Variants in LTN1 observed in about 807,000 individuals in gnomAD.
The protein encoded by LTN1 is E3 ubiquitin-protein ligase listerin.
Under a neutral mutation model 201.2 loss-of-function variants are expected in LTN1, and 88 were observed. That is an observed-to-expected ratio of 0.44 (90% CI 0.37 to 0.52). The LOEUF (loss-of-function observed/expected upper bound fraction) is 0.52, where lower values mean the gene tolerates loss of function less well. Ranked by LOEUF, LTN1 falls within the 20% of genes least tolerant of loss-of-function variation. The pLI, the probability that LTN1 is intolerant of heterozygous loss-of-function variation, is 0.00. For missense variants in LTN1, 1,752 were observed against 2,038.7 expected, an observed-to-expected ratio of 0.86 and a Z score of 2.71; for synonymous variants, 645 against 713.5, an observed-to-expected ratio of 0.90 and a Z score of 1.53.
chr21:28,970,510 A>T, intron 8 of LTN1, 42 bp downstream of exon 8: 1 of 1,334,376 alleles, frequency 7.5e-7, no homozygotes, highest in Non-Finnish European at 1.1e-6. Flanking sequence ...AAAAACAAGA[A>T]AATCTGTTTT....
At chr21:28,990,843 C>T (rs1465724631) in intron 1 of LTN1, among the ~76,000 whole-genome samples, 1 of 152,140 alleles carries the variant, frequency 6.6e-6, no homozygotes, top group Non-Finnish European at 1.5e-5. Flanking sequence ...TTAAACAGTA[C>T]TGAGAAACTG....
At chr21:28,935,983 T>C (rs1356142076) in intron 26 of LTN1, among the ~76,000 whole-genome samples, 1 of 152,160 alleles carries the variant, frequency 6.6e-6, no homozygotes, top group Non-Finnish European at 1.5e-5. Context: ...ATGCTTGCTG[T>C]TATAAATTAT....
intron 18 of LTN1, among the ~76,000 whole-genome samples, chr21:28,947,958 T>C (rs890574129): frequency 1.3e-5 from 2 of 151,348 alleles, no homozygotes; most frequent in African/African-American, 4.8e-5. Context: ...TTTGGGAGGC[T>C]GAGGAGGGCA....
Position 28,947,599 on chromosome 21 carries a change from G to A in LTN1, c.3352C>T (p.Pro1118Ser). The change falls in exon 19 of 30, where the codon CCA (proline) becomes TCA (serine). Residue 1118 changes from proline (P) to serine (S), a missense_variant. Physicochemically the swap from Pro to Ser is moderately conservative, Grantham distance 74. This residue lies in a region of LTN1 where 1,211 missense variants were observed against 1,312.8 expected (regional missense o/e 0.92). Transcript: ENST00000361371. ...GTATGCAAATTGCCTTCAGTTAGTGGAAAAAAACTGTTTAAAGAAAAAAAA... is the reference window on the plus strand; with the variant it reads ...GTATGCAAATTGCCTTCAGTTAGTGAAAAAAAACTGTTTAAAGAAAAAAAA... ...PHYKRKESFF[P>S]LTEGNLHTIQ... The A allele has an allele frequency of 1.9e-6, 3 of 1,540,994 alleles. No individual in the cohort carries two copies. Among genetic ancestry groups the A allele is most frequent in the Non-Finnish European group, 1.7e-6 (2 of 1,153,480 alleles).
intron 12 of LTN1, 82 bp downstream of exon 12, chr21:28,960,435 C>G: frequency 9.2e-7 from 1 of 1,082,534 alleles, no homozygotes; most frequent in Non-Finnish European, 1.3e-6. Context: ...ACCAATAACA[C>G]ATAAGCTGAG....
intron 1 of LTN1, among the ~76,000 whole-genome samples, chr21:28,988,066 C>T (rs886179710): frequency 4.1e-5 from 6 of 146,490 alleles, no homozygotes; most frequent in Non-Finnish European, 7.4e-5. Context: ...TCGCTTGAAC[C>T]GGAAGGCAGA....
intron 3 of LTN1, 66 bp from the exon 4 acceptor site, chr21:28,984,988 G>T: frequency 9.0e-7 from 1 of 1,108,110 alleles, no homozygotes; most frequent in Non-Finnish European, 1.3e-6. Flanking sequence ...GACATTTCCG[G>T]ATATGCTATA....
intron 18 of LTN1, among the ~76,000 whole-genome samples, chr21:28,948,965 C>G (rs1003195420): frequency 6.6e-6 from 1 of 152,220 alleles, no homozygotes; most frequent in Non-Finnish European, 1.5e-5. Flanking sequence ...CAAATTGCTT[C>G]TGAAAACACA....
intron 29 of LTN1, 83 bp downstream of exon 29, chr21:28,931,069 GTGT>G (rs774724167): frequency 0.1 from 31,804 of 318,772 alleles, 460 homozygotes; most frequent in Non-Finnish European, 0.11. Flanking sequence ...TTGTGTAGGT[GTGT>G]GTGTGTGTGT....
Position 28,930,427 on chromosome 21 carries a change from T to A in LTN1, c.*21A>T. The A allele has an allele frequency of 6.3e-7, 1 of 1,592,172 alleles. No homozygotes were observed. On this transcript the variant is annotated 3_prime_UTR_variant, in exon 30 of 30. Transcript: ENST00000361371. ...GCCTTTGTTTGATGTACTTCAGGGA[T>A]CCCTTCCAGTGAAAAAAATCTCAGA...
At chr21:28,944,109 G>C (rs937211032) in intron 22 of LTN1, among the ~76,000 whole-genome samples, 2 of 152,144 alleles carry the variant, frequency 1.3e-5, no homozygotes, top group African/African-American at 4.8e-5. Flanking sequence ...TCCAGCAAAT[G>C]TTCAATAGCA....
intron 16 of LTN1, among the ~76,000 whole-genome samples, chr21:28,956,225 T>C (rs11909163): frequency 0.032 from 4,846 of 152,240 alleles, 261 homozygotes; most frequent in African/African-American, 0.11. Flanking sequence ...AGGATGACCA[T>C]AGTTAACAAT....
intron 1 of LTN1, among the ~76,000 whole-genome samples, chr21:28,988,155 A>AC (rs2084714305): frequency 8.0e-6 from 1 of 125,180 alleles, no homozygotes; most frequent in Non-Finnish European, 1.8e-5. Flanking sequence ...AAAAAAAAAA[A>AC]ACAACAAAAA....
At chr21:28,934,268 GTA>G (rs1273369752) in intron 27 of LTN1, among the ~76,000 whole-genome samples, 1 of 152,214 alleles carries the variant, frequency 6.6e-6, no homozygotes, top group Non-Finnish European at 1.5e-5. Context: ...GCATCTGTAA[GTA>G]TTCCAGTACA....
rs78116326 is a variant in LTN1, at chr21:28,957,761, T to C, written c.2748-285A>G. 7.3e-3 allele frequency among the ~76,000 whole-genome samples: 1,115 copies of C among 152,298 alleles called. 10 individuals carry two copies. The highest frequency in any genetic ancestry group is 0.025 in the African/African-American group (1,046 of 41,566). The stretch of plus-strand genomic sequence containing the variant: ...AGGTATTTCAGAAATACAGCTACCT[T>C]ATGAAATGCAGCACTATTTTACCTA... On this transcript the variant is annotated intron_variant, in intron 14 of 29. Coordinates refer to ENST00000361371, the MANE Select transcript of LTN1 (RefSeq NM_015565.3).
chr21:28,929,092 A>G lies in LTN1; in HGVS notation c.*1356T>C, dbSNP rs1399958207. The G allele has an allele frequency of 1.3e-5, 2 of 152,720 alleles. No homozygotes were observed. Among genetic ancestry groups the G allele is most frequent in the Middle Eastern group, 3.4e-3 (1 of 294 alleles). The allele number at this position is 152,720 out of a possible 1,614,324, so 9.5% of individuals were successfully genotyped here. On this transcript the variant is annotated 3_prime_UTR_variant, in exon 30 of 30. Coordinates refer to ENST00000361371, the MANE Select transcript of LTN1 (RefSeq NM_015565.3). ...TGGGCAGGACACTGCATCTATAAATATAATTCGAGAGATCTATAACTCACA... is the reference window on the plus strand; with the variant it reads ...TGGGCAGGACACTGCATCTATAAATGTAATTCGAGAGATCTATAACTCACA...
At chr21:28,962,166 C>A (rs1390809248) in intron 11 of LTN1, among the ~76,000 whole-genome samples, 1 of 152,100 alleles carries the variant, frequency 6.6e-6, no homozygotes, top group Non-Finnish European at 1.5e-5. Context: ...TCCTGGTAAA[C>A]AAAATAAACT....
rs1568843687 is a variant in LTN1 at position 28,957,455 on chromosome 21, A to G, written c.2769T>C (p.Ala923=). 2 of 1,574,604 alleles carry G rather than the reference A, an allele frequency of 1.3e-6. No individual in the cohort carries two copies. Among genetic ancestry groups the G allele is most frequent in the East Asian group, 2.3e-5 (1 of 44,366 alleles). Residue 923 remains alanine, a synonymous_variant, in exon 15 of 30, where the codon GCT becomes GCC. Transcript: ENST00000361371. The part of the protein sequence containing the change: ...DINSLQVLLS[A]VDDLLNTLLE... ...GAAGTGTATTTAGCAAATCATCAAC[A>G]GCAGACAAGAGGACTTGGAGACTAA...
chr21:28,986,190 A>C lies in LTN1; in HGVS notation c.294T>G (p.Thr98=). 1 of 1,613,592 alleles carries C rather than the reference A, an allele frequency of 6.2e-7. No homozygotes were observed. Among genetic ancestry groups the C allele is most frequent in the South Asian group, 1.1e-5 (1 of 91,076 alleles). Residue 98 remains threonine, a synonymous_variant, in exon 3 of 30, where the codon ACT becomes ACG. Coordinates refer to ENST00000361371, the MANE Select transcript of LTN1 (RefSeq NM_015565.3). The surrounding 1 kb of genome is among the most constrained non-coding windows in gnomAD (Gnocchi z 4.1). ...GCCAATATGGAAGAACTCCTTTCACAGTTTCTGTGTCTCTCTCTGTACACA... is the reference window on the plus strand; with the variant it reads ...GCCAATATGGAAGAACTCCTTTCACCGTTTCTGTGTCTCTCTCTGTACACA... The part of the protein sequence containing the change: ...GTMCTERDTE[T]VKGVLPYWPR...
Sources: allele counts gnomAD v4.1 joint callset (sites outside exome capture counted in the v4.1 genomes callset), GRCh38; gene constraint gnomAD v4.1.1; regional missense constraint gnomAD v4.1.1; non-coding constraint Gnocchi (gnomAD v3.1); transcripts MANE v1.5; gene names NCBI Gene and HGNC (gene_info 2026-07-23, HGNC 2026-07-21).